The following ZNF540 variants were observed in gnomAD, a reference collection of about 807,000 sequenced individuals.
ZNF540 encodes CTD-3064H18.6.
A neutral mutation model predicts 11.8 loss-of-function variants in ZNF540; 3 were observed. The observed-to-expected ratio is 0.25, with a 90% CI of 0.12 to 0.65. ZNF540 has a LOEUF of 0.65. Ranked by LOEUF, ZNF540 falls within the 30% of genes least tolerant of loss-of-function variation. ZNF540 has a pLI of 0.83. For synonymous variants in ZNF540, 247 were observed against 259.0 expected (o/e 0.95, Z 0.45); for missense variants, 709 against 793.1 (o/e 0.89, Z 1.27).
At chr19:37,566,490 T>A in intron 1 of ZNF540, 2 of 571,322 alleles carry the variant, frequency 3.5e-6, no homozygotes, top group Non-Finnish European at 5.7e-6. Flanking sequence ...AGAAGGTAAT[T>A]AGAAAAATAG....
At chr19:37,574,030 T>C (rs1051459747) in intron 1 of ZNF540, among the ~76,000 whole-genome samples, 1 of 152,180 alleles carries the variant, frequency 6.6e-6, no homozygotes, top group African/African-American at 2.4e-5. Context: ...TTCACATCTG[T>C]ACACATGTAT....
At chr19:37,577,930 A>G (rs8113076) in intron 1 of ZNF540, among the ~76,000 whole-genome samples, 117,942 of 152,064 alleles carry the variant, frequency 0.78, 45,867 homozygotes, top group South Asian at 0.88. Context: ...GGGGAACCGA[A>G]CTGCAGAGCA....
At chr19:37,556,053 C>A in intron 1 of ZNF540, 1 of 702,700 alleles carries the variant, frequency 1.4e-6, no homozygotes, top group Non-Finnish European at 2.6e-6. Flanking sequence ...ACCTTTGGAG[C>A]TTCCACATCC....
chr19:37,586,626 C>G (rs1568358498), intron 1 of ZNF540: 6 of 1,612,704 alleles, frequency 3.7e-6, no homozygotes, highest in Non-Finnish European at 5.1e-6. Context: ...CATTACACAA[C>G]AAAATGATTG....
chr19:37,598,508 T>C, intron 2 of ZNF540, 52 bp downstream of exon 2: 7 of 1,601,658 alleles, frequency 4.4e-6, no homozygotes, highest in Non-Finnish European at 6.0e-6. Flanking sequence ...TTAAAGATCA[T>C]GTGAACATTT....
rs745898803 is a variant in ZNF540 at position 37,566,201 on chromosome 19, CG to C, written c.-73+14537del. 16 of 1,613,804 alleles carry C rather than the reference CG, an allele frequency of 9.9e-6. No homozygotes were observed. The African/African-American group carries it at 2.1e-4, about 22-fold the overall frequency. ...ATTGTATTGAAGGTGATGGTTGATA[CG>C]TTTCCCCATATTCTCCCACTGGAGT... On this transcript the variant is annotated intron_variant, in intron 1 of 4. Transcript: ENST00000592533.
intron 1 of ZNF540, among the ~76,000 whole-genome samples, chr19:37,596,240 T>A (rs2043993663): frequency 1.3e-5 from 2 of 152,226 alleles, no homozygotes; most frequent in South Asian, 4.1e-4. Flanking sequence ...CGCGTCAACA[T>A]TAATGATAAT....
intron 1 of ZNF540, among the ~76,000 whole-genome samples, chr19:37,558,268 C>A (rs187426134): frequency 6.6e-6 from 1 of 152,166 alleles, no homozygotes; most frequent in Admixed American, 6.5e-5. Context: ...TTGTCAAAAA[C>A]CTTTTGGGCT....
intron 1 of ZNF540, among the ~76,000 whole-genome samples, chr19:37,578,936 T>C (rs1600504307): frequency 6.6e-6 from 1 of 152,122 alleles, no homozygotes; most frequent in Middle Eastern, 3.2e-3. Flanking sequence ...AGTTCGGCAT[T>C]GTTTGGAAGG....
intron 1 of ZNF540, chr19:37,556,021 C>T (rs774221854): frequency 4.3e-5 from 30 of 702,236 alleles, no homozygotes; most frequent in Middle Eastern, 2.4e-4. Context: ...TAAAAGTCAA[C>T]ATTTTGGAGT....
At chr19:37,573,842 A>G (rs572970275) in intron 1 of ZNF540, among the ~76,000 whole-genome samples, 44 of 151,914 alleles carry the variant, frequency 2.9e-4, no homozygotes, top group Non-Finnish European at 1.5e-4. Context: ...CAAAAAAAAA[A>G]AAAGAAAGAA....
At chr19:37,584,227 A>G in intron 1 of ZNF540, 2 of 1,218,574 alleles carry the variant, frequency 1.6e-6, no homozygotes, top group South Asian at 2.8e-5. Flanking sequence ...CCTAAACAGT[A>G]GTATTAACCT....
At chr19:37,560,996 G>A (rs34833149) in intron 1 of ZNF540, 1 of 133,276 alleles carries the variant, frequency 7.5e-6, no homozygotes, top group Non-Finnish European at 1.5e-5. Flanking sequence ...AGGATCACTT[G>A]AAGCCCGGGA....
chr19:37,586,698 T>C (rs1418298563), intron 1 of ZNF540: 2 of 1,614,084 alleles, frequency 1.2e-6, no homozygotes, highest in Non-Finnish European at 1.7e-6. Context: ...ACTGATCAAT[T>C]TTCTGGGTTC....
rs780207855 is a variant in ZNF540 at position 37,599,761 on chromosome 19, A to G, written c.136+9A>G. On this transcript the variant is annotated intron_variant, in intron 3 of 4. Coordinates refer to ENST00000316433, the MANE Select transcript of ZNF540 (RefSeq NM_001172225.3). The stretch of plus-strand genomic sequence containing the variant: ...TAACTTGGTCTCACTGGGTAAGGTC[A>G]CCTATGTCAAATAATGTAGACTCTG... 5 of 1,587,270 alleles carry G rather than the reference A, an allele frequency of 3.2e-6. No individual in the cohort carries two copies. In the South Asian group the frequency reaches 5.7e-5, roughly 18 times the overall value.
chr19:37,565,530 T>C, intron 1 of ZNF540: 3 of 1,613,734 alleles, frequency 1.9e-6, no homozygotes, highest in Non-Finnish European at 2.5e-6. Context: ...CCACTATGAA[T>C]TCTCTGATGG....
intron 1 of ZNF540, among the ~76,000 whole-genome samples, chr19:37,596,820 A>G (rs1600555031): frequency 6.6e-6 from 1 of 152,170 alleles, no homozygotes; most frequent in Admixed American, 6.5e-5. Context: ...AGTCTATTCA[A>G]TGTTCCCGTG....
chr19:37,593,237 A>G (rs548745497), upstream of ZNF540, among the ~76,000 whole-genome samples: 2 of 152,348 alleles, frequency 1.3e-5, no homozygotes, highest in East Asian at 3.9e-4. Flanking sequence ...TACTATAGGA[A>G]AAAACGGGGA....
chr19:37,578,820 G>A (rs981765782), intron 1 of ZNF540, among the ~76,000 whole-genome samples: 2 of 152,158 alleles, frequency 1.3e-5, no homozygotes, highest in Admixed American at 6.5e-5. Context: ...TGCAGCAACC[G>A]CACCTCCGCC....
Sources: allele counts gnomAD v4.1 joint callset (sites outside exome capture counted in the v4.1 genomes callset), GRCh38; gene constraint gnomAD v4.1.1; transcripts MANE v1.5; gene names NCBI Gene and HGNC (gene_info 2026-07-23, HGNC 2026-07-21).